Variants in NUTM1 observed in about 807,000 individuals in gnomAD.
The protein encoded by NUTM1 is NUT midline carcinoma family member 1.
Under a neutral mutation model 88.7 loss-of-function variants are expected in NUTM1, and 39 were observed. The observed-to-expected ratio is 0.44, with a 90% CI of 0.34 to 0.57. The LOEUF (loss-of-function observed/expected upper bound fraction) is 0.57. NUTM1 is among the 20% of genes least tolerant of loss of function. NUTM1 has a pLI of 0.01. For missense variants in NUTM1, 1,350 were observed against 1,414.5 expected (o/e 0.95, Z 0.73); for synonymous variants, 494 against 538.0 (o/e 0.92, Z 1.13).
chr15:34,347,853 A>AAAAAAT (rs150911418), intron 2 of NUTM1, 116 bp from the exon 3 acceptor site: 94 of 468,048 alleles, frequency 2.0e-4, no homozygotes, highest in African/African-American at 1.5e-3. Context: ...ACTCCATCTC[A>AAAAAAT]AAAAATAAAA....
At chr15:34,354,872 T>C (rs1304733032) in intron 6 of NUTM1, 140 bp downstream of exon 6, 1 of 1,023,802 alleles carries the variant, frequency 9.8e-7, no homozygotes, top group Non-Finnish European at 1.5e-6. Context: ...TGCATCATCA[T>C]GAGAATGTGT....
intron 4 of NUTM1, among the ~76,000 whole-genome samples, chr15:34,351,704 T>C (rs984519970): frequency 2.6e-5 from 4 of 152,254 alleles, no homozygotes; most frequent in African/African-American, 7.2e-5. Context: ...TGGCTATTGA[T>C]ACAGAACTTC....
At position 34,355,751 on chromosome 15, in the gene NUTM1, T is replaced by A; in HGVS notation, c.1743T>A (p.Asp581Glu). 6.2e-7 allele frequency: 1 copy of A among 1,614,132 alleles called. No individual in the cohort carries two copies. Among genetic ancestry groups the A allele is most frequent in the Non-Finnish European group, 8.5e-7 (1 of 1,180,014 alleles). Residue 581 changes from aspartate to glutamate, a missense_variant, in exon 8 of 8, where the codon GAT (aspartate) becomes GAA (glutamate). Physicochemically the swap from Asp to Glu is conservative, Grantham distance 45. This residue lies in a region of NUTM1 where 730 missense variants were observed against 728.8 expected (regional missense o/e 1.00). Coordinates refer to ENST00000537011, the MANE Select transcript of NUTM1 (RefSeq NM_001284292.2). The surrounding 1 kb of genome is among the most constrained non-coding windows in gnomAD (Gnocchi z 4.3). ...ALDSPRGMHR[D>E]GNTLPSPSSW... Reference sequence around the variant, plus strand: ...ATAGCCCCAGAGGGATGCACAGGGATGGGAACACTCTGCCATCCCCCAGCA... The same window carrying A: ...ATAGCCCCAGAGGGATGCACAGGGAAGGGAACACTCTGCCATCCCCCAGCA...
At chr15:34,345,656 T>C (rs1301866403) in intron 1 of NUTM1, among the ~76,000 whole-genome samples, 1 of 152,202 alleles carries the variant, frequency 6.6e-6, no homozygotes. Flanking sequence ...AATCGAAGTG[T>C]AGTGAACCAA....
chr15:34,349,920 C>T (rs1177207066), intron 3 of NUTM1, among the ~76,000 whole-genome samples: 1 of 152,194 alleles, frequency 6.6e-6, no homozygotes, highest in Non-Finnish European at 1.5e-5. Flanking sequence ...TCCTGGTCTG[C>T]TTGTGCTTCA....
At chr15:34,347,872 AAAAAT>A in intron 2 of NUTM1, 92 bp from the exon 3 acceptor site, 3 of 598,834 alleles carry the variant, frequency 5.0e-6, no homozygotes, top group Non-Finnish European at 5.3e-6. Context: ...AAATAAAAAT[AAAAAT>A]AAAAATAAAA....
At position 34,354,329 on chromosome 15, in the gene NUTM1, G is replaced by C. The variant is rs1446758059; in HGVS notation, c.1076-117G>C. 3 of 1,144,630 alleles carry C rather than the reference G, an allele frequency of 2.6e-6. No individual in the cohort carries two copies. The African/African-American group carries it at 4.7e-5, about 18-fold the overall frequency. 70.9% of individuals were successfully genotyped at this position (1,144,630 alleles called of 1,614,324 possible). On this transcript the variant is annotated intron_variant, in intron 5 of 7. Transcript: ENST00000537011. ...ACAGAGCTGGGAGGCAGAAGCTGTG[G>C]TTTCTGTGCTACTTCCCATTCTCCT...
Position 34,355,064 on chromosome 15 carries a change from C to G in NUTM1, c.1406C>G (p.Ser469Cys), listed in dbSNP as rs1437105001. The change falls in exon 7 of 8, where the codon TCC (serine) becomes TGC (cysteine). Residue 469 changes from serine to cysteine, a missense_variant. Physicochemically the swap from Ser to Cys is moderately radical, Grantham distance 112 (BLOSUM62 -1). This residue lies in a region of NUTM1 where 126 missense variants were observed against 189.8 expected (regional missense o/e 0.66). Transcript: ENST00000537011. This position sits in a 1 kb window ranked among gnomAD's most constrained non-coding sequence, Gnocchi z 4.3. Reference protein sequence around the residue: ...IHPQFLADLLSPEKQRDPLAL... With the variant: ...IHPQFLADLLCPEKQRDPLAL... ...CCTCAATTTCTGGCAGATCTGCTGT[C>G]CCCAGAAAAACAGAGAGATCCCTTG... is the stretch of plus-strand genomic sequence containing the variant. 1 of 1,613,894 alleles carries G rather than the reference C, an allele frequency of 6.2e-7. No homozygotes were observed. Among genetic ancestry groups the G allele is most frequent in the Admixed American group, 1.7e-5 (1 of 60,018 alleles).
rs1309803744 is a variant in NUTM1, at chr15:34,357,252, C to A, written c.3244C>A (p.Leu1082Met). 6.2e-7 allele frequency: 1 copy of A among 1,614,084 alleles called. No homozygotes were observed. The highest frequency in any genetic ancestry group is 8.5e-7 in the Non-Finnish European group (1 of 1,179,980). The stretch of plus-strand genomic sequence containing the variant: ...TCAGGGCAGCCAGAGAGCATCCCAC[C>A]TGCTCCCTGCTGGAGCAAAAGGCCC... ...GGQGSQRASHLLPAGAKGPSK... is the reference protein window; with the variant it reads ...GGQGSQRASHMLPAGAKGPSK... Residue 1082 changes from leucine (L) to methionine (M), a missense_variant, in exon 8 of 8, where the codon CTG becomes ATG. By Grantham distance (15) the Leu-to-Met change is conservative. This residue lies in a region of NUTM1 where 730 missense variants were observed against 728.8 expected (regional missense o/e 1.00). Coordinates refer to ENST00000537011, the MANE Select transcript of NUTM1 (RefSeq NM_001284292.2).
chr15:34,357,105 A>G lies in NUTM1; in HGVS notation c.3097A>G (p.Lys1033Glu), dbSNP rs1890831782. 6.2e-7 allele frequency: 1 copy of G among 1,613,994 alleles called. No homozygotes were observed. Among genetic ancestry groups the G allele is most frequent in the South Asian group, 1.1e-5 (1 of 91,076 alleles). ...AGCAGACAGGGCCAAAGGAAAGGAG[A>G]AAAAGAAAAAGGAAGCAGAGGAAGA... is the stretch of plus-strand genomic sequence containing the variant. Reference protein sequence around the residue: ...RSADRAKGKEKKKKEAEEEDE... With the variant: ...RSADRAKGKEEKKKEAEEEDE... Residue 1033 changes from lysine to glutamate, a missense_variant, in exon 8 of 8, where the codon AAA (lysine) becomes GAA (glutamate). Around this residue, in one of 5 missense-constraint regions of NUTM1, gnomAD observed 730 missense variants for 728.8 expected, o/e 1.00. Coordinates refer to ENST00000537011, the MANE Select transcript of NUTM1 (RefSeq NM_001284292.2).
intron 2 of NUTM1, 100 bp downstream of exon 2, chr15:34,346,135 G>C: frequency 8.2e-7 from 1 of 1,215,440 alleles, no homozygotes; most frequent in Non-Finnish European, 1.2e-6. Flanking sequence ...GCTACACCCC[G>C]TCAAAGGTAT....
rs10671676 is a variant in NUTM1 at position 34,346,881 on chromosome 15, TAAAAAAAAAAAA to T, written c.100+861_100+872del. Among the ~76,000 whole-genome samples the T allele has an allele frequency of 4.4e-4, 15 of 34,326 alleles. No homozygotes were observed. The East Asian group carries it at 0.01, about 23-fold the overall frequency. The allele number at this position is 34,326 out of a possible 152,430, so 22.5% of individuals were successfully genotyped here. A position where few individuals can be genotyped will look rare whatever the true frequency, so the allele number is the denominator to read the frequency against. ...ATGGGCCACAGAGCAAGACTCCATC[TAAAAAAAAAAAA>T]AAAAAAAAAAAAAAGCAGCACTTAG... On this transcript the variant is annotated intron_variant, in intron 2 of 7. Transcript: ENST00000537011.
At chr15:34,352,184 AAG>A (rs1020352867) in intron 4 of NUTM1, among the ~76,000 whole-genome samples, 1 of 152,200 alleles carries the variant, frequency 6.6e-6, no homozygotes, top group African/African-American at 2.4e-5. Context: ...AAAAGAAAGA[AAG>A]AAAGAAAAAA....
At position 34,357,486 on chromosome 15, in the gene NUTM1, C is replaced by G; in HGVS notation, c.3478C>G (p.Gln1160Glu). 6.2e-7 allele frequency: 1 copy of G among 1,612,580 alleles called. No individual in the cohort carries two copies. ...CAGAAGGAAGAAACGACGTCGTAGC[C>G]AGTAGGGAGCAGCGGGACCATCTGA... The part of the protein sequence containing the change: ...TGRRKKRRRS[Q>E] Residue 1160 changes from glutamine to glutamate, a missense_variant, in exon 8 of 8, where the codon CAG becomes GAG. Transcript: ENST00000537011.
chr15:34,350,568 C>A lies in NUTM1; in HGVS notation c.810-136C>A, dbSNP rs926457460. 32 of 971,282 alleles carry A rather than the reference C, an allele frequency of 3.3e-5. No individual in the cohort carries two copies. The African/African-American group carries it at 4.8e-4, about 15-fold the overall frequency. The allele number at this position is 971,282 out of a possible 1,614,324, so 60.2% of individuals were successfully genotyped here. A position where few individuals can be genotyped will look rare whatever the true frequency, so the allele number is the denominator to read the frequency against. Reference sequence around the variant, plus strand: ...GAGGTTGAGCGTCTGTAAGTCTAATCAGAAGTGGGACACGACAGGCCCTAA... The same window carrying A: ...GAGGTTGAGCGTCTGTAAGTCTAATAAGAAGTGGGACACGACAGGCCCTAA... On this transcript the variant is annotated intron_variant, in intron 3 of 7. Transcript: ENST00000537011.
At chr15:34,353,037 C>G (rs987652074) in intron 4 of NUTM1, among the ~76,000 whole-genome samples, 4 of 151,380 alleles carry the variant, frequency 2.6e-5, no homozygotes, top group Non-Finnish European at 4.4e-5. Context: ...AGGCACCCAC[C>G]ACCACATCAG....
Position 34,354,502 on chromosome 15 carries a change from A to G in NUTM1, c.1132A>G (p.Lys378Glu). The G allele has an allele frequency of 1.2e-6, 2 of 1,614,200 alleles. No individual in the cohort carries two copies. The highest frequency in any genetic ancestry group is 1.1e-5 in the South Asian group (1 of 91,074). ...KTRAPRRRQR[K>E]AQRPPAPEAP... is the part of the protein sequence containing the mutation. The stretch of plus-strand genomic sequence containing the variant: ...ACGGGCCCCCCGCCGGCGTCAGCGT[A>G]AAGCCCAGAGACCTCCTGCTCCTGA... The change falls in exon 6 of 8, where the codon AAA becomes GAA. Residue 378 changes from lysine to glutamate, a missense_variant. Lys to Glu is a moderately conservative substitution (Grantham distance 56). This residue lies in a region of NUTM1 where 89 missense variants were observed against 76.0 expected (regional missense o/e 1.17). Transcript: ENST00000537011.
In NUTM1 at chr15:34,345,841, C is replaced by T. The variant is rs1343763041; in HGVS notation, c.7-101C>T. The stretch of plus-strand genomic sequence containing the variant: ...CACCCTCACCCCACTTTTCCCTCTC[C>T]CCTCCCCCACAGCAGAATGCCTTGA... On this transcript the variant is annotated intron_variant, in intron 1 of 7. Coordinates refer to ENST00000537011, the MANE Select transcript of NUTM1 (RefSeq NM_001284292.2). The T allele has an allele frequency of 4.0e-6, 6 of 1,491,186 alleles. No individual in the cohort carries two copies. In the East Asian group the frequency reaches 1.5e-4, roughly 36 times the overall value. The allele number at this position is 1,491,186 out of a possible 1,614,324, so 92.4% of individuals were successfully genotyped here.
rs764203769 is a variant in NUTM1, at chr15:34,343,676, G to A, written c.-21G>A. On this transcript the variant is annotated 5_prime_UTR_variant, in exon 1 of 8. Transcript: ENST00000537011. ...CAAGATTTAAAGTTAGGTCCCTACCGCAAATTCAGCGCTCTTTCTTATGGT... is the reference window on the plus strand; with the variant it reads ...CAAGATTTAAAGTTAGGTCCCTACCACAAATTCAGCGCTCTTTCTTATGGT... 128 of 1,532,536 alleles carry A rather than the reference G, an allele frequency of 8.4e-5. No homozygotes were observed. Among genetic ancestry groups the A allele is most frequent in the Non-Finnish European group, 1.0e-4 (117 of 1,144,178 alleles). The allele number at this position is 1,532,536 out of a possible 1,614,324, so 94.9% of individuals were successfully genotyped here.
Sources: gnomAD v4.1 joint callset for allele counts (sites outside exome capture counted in the v4.1 genomes callset) on GRCh38, gnomAD v4.1.1 for gene constraint, gnomAD v4.1.1 regional missense constraint, Gnocchi (gnomAD v3.1) non-coding constraint, MANE v1.5 for transcripts, NCBI Gene and HGNC (gene_info 2026-07-23, HGNC 2026-07-21) for gene names.